OSTN: variants seen among roughly 807,000 people sequenced by gnomAD.
The protein encoded by OSTN is osteocrin.
OSTN carries 9 observed loss-of-function variants against 12.0 expected under a neutral mutation model. The ratio of observed to expected loss-of-function variants is 0.75; its 90% confidence interval spans 0.45 to 1.30. The LOEUF (loss-of-function observed/expected upper bound fraction) is 1.30. Among genes scored for constraint, OSTN ranks in the 50% most tolerant of loss-of-function variants. The pLI, the probability that OSTN is intolerant of heterozygous loss-of-function variation, is 0.00. For missense variants in OSTN, 148 were observed against 152.3 expected, an observed-to-expected ratio of 0.97 and a Z score of 0.15; for synonymous variants, 59 against 56.9, an observed-to-expected ratio of 1.04 and a Z score of -0.16.
rs144298488 is a variant in OSTN, at chr3:191,209,073, C to G, written c.1-3460C>G. 4.9e-3 allele frequency among the ~76,000 whole-genome samples: 743 copies of G among 152,232 alleles called. 3 individuals carry two copies. The highest frequency in any genetic ancestry group is 0.017 in the African/African-American group (699 of 41,536). On this transcript the variant is annotated intron_variant, in intron 1 of 4. Coordinates refer to ENST00000682035, the MANE Select transcript of OSTN (RefSeq NM_198184.2). ...ACTCAGGAGGCTGAGGCAGGAGAAT[C>G]GCTTAAACCTGGGAGGCAGAGGTTG...
intron 3 of OSTN, among the ~76,000 whole-genome samples, chr3:191,238,518 A>C (rs189656693): frequency 3.7e-3 from 564 of 152,336 alleles, no homozygotes; most frequent in Non-Finnish European, 6.7e-3. Flanking sequence ...ACATGTGAAA[A>C]GAGGGAGTAG....
chr3:191,208,684 A>G (rs1234751954), intron 1 of OSTN, among the ~76,000 whole-genome samples: 1 of 152,236 alleles, frequency 6.6e-6, no homozygotes, highest in Non-Finnish European at 1.5e-5. Flanking sequence ...ATTACAGAGA[A>G]GAGGAGAAAC....
chr3:191,212,981 C>T (rs1472098795), intron 2 of OSTN, among the ~76,000 whole-genome samples: 1 of 150,186 alleles, frequency 6.7e-6, no homozygotes, highest in Admixed American at 6.7e-5. Flanking sequence ...AGCGATTCTC[C>T]TGCCTCAGCC....
chr3:191,247,500 G>C (rs1715461438), intron 3 of OSTN, among the ~76,000 whole-genome samples: 1 of 152,082 alleles, frequency 6.6e-6, no homozygotes, highest in South Asian at 2.1e-4. Flanking sequence ...AGAAAAAAAA[G>C]ATCACACATA....
In OSTN at chr3:191,247,981, A is replaced by G. The variant is rs967140089; in HGVS notation, c.318-2056A>G. Among the ~76,000 whole-genome samples, 43 of 152,070 alleles carry G rather than the reference A, an allele frequency of 2.8e-4. 1 individual carries two copies. The highest frequency in any genetic ancestry group is 1.0e-3 in the African/African-American group (42 of 41,506). On this transcript the variant is annotated intron_variant, in intron 3 of 4. Transcript: ENST00000682035. ...CCCGAGTAGCTGGGATTACAGGAAC[A>G]CGCCACCATGCCCTGCTAATTTTTG...
chr3:191,219,462 A>G (rs1196222646), intron 3 of OSTN, among the ~76,000 whole-genome samples: 7 of 152,354 alleles, frequency 4.6e-5, no homozygotes, highest in South Asian at 2.1e-4. Flanking sequence ...CTTGTAAAGT[A>G]TCTTATCCTC....
intron 3 of OSTN, among the ~76,000 whole-genome samples, chr3:191,235,451 C>T (rs542874612): frequency 6.6e-6 from 1 of 152,156 alleles, no homozygotes; most frequent in Admixed American, 6.5e-5. Context: ...GATGGAGATG[C>T]ATGCAGAGAA....
At chr3:191,208,203 C>A (rs1327860598) in intron 1 of OSTN, among the ~76,000 whole-genome samples, 1 of 152,160 alleles carries the variant, frequency 6.6e-6, no homozygotes, top group Non-Finnish European at 1.5e-5. Flanking sequence ...AACACCCTTT[C>A]ATTGAACTTT....
At chr3:191,210,512 T>C (rs1026983331) in intron 1 of OSTN, among the ~76,000 whole-genome samples, 1 of 152,220 alleles carries the variant, frequency 6.6e-6, no homozygotes, top group Admixed American at 6.5e-5. Flanking sequence ...GGGGTATGCA[T>C]GAATCGATTC....
At chr3:191,252,879 A>C (rs968240804) in intron 4 of OSTN, among the ~76,000 whole-genome samples, 1 of 152,272 alleles carries the variant, frequency 6.6e-6, no homozygotes, top group Non-Finnish European at 1.5e-5. Flanking sequence ...AGAGCAGCTT[A>C]AAAGTCATTA....
chr3:191,205,443 A>AT (rs1553816618), intron 1 of OSTN, among the ~76,000 whole-genome samples: 51 of 149,090 alleles, frequency 3.4e-4, no homozygotes, highest in East Asian at 2.1e-4. Flanking sequence ...AGTAAAAAAA[A>AT]ATATATATAT....
chr3:191,214,948 G>A (rs956533088), intron 2 of OSTN, among the ~76,000 whole-genome samples: 3 of 152,170 alleles, frequency 2.0e-5, no homozygotes, highest in Admixed American at 2.0e-4. Context: ...GGAGGCAGAG[G>A]TTGCAGTGAG....
chr3:191,212,384 T>C (rs1171242392), intron 1 of OSTN, 149 bp from the exon 2 acceptor site: 1 of 345,202 alleles, frequency 2.9e-6, no homozygotes, highest in African/African-American at 2.1e-5. Flanking sequence ...TATTAAGTAT[T>C]ATTTACGTTT....
chr3:191,226,704 A>G, intron 3 of OSTN, among the ~76,000 whole-genome samples: 1 of 152,222 alleles, frequency 6.6e-6, no homozygotes, highest in East Asian at 1.9e-4. Flanking sequence ...TCAGAAGAGA[A>G]ATTCAATAAA....
chr3:191,230,378 A>G (rs1715021415), intron 3 of OSTN, among the ~76,000 whole-genome samples: 1 of 149,456 alleles, frequency 6.7e-6, no homozygotes, highest in South Asian at 2.1e-4. Flanking sequence ...ATTCTGGTCA[A>G]CATGATGCAA....
At chr3:191,260,580 A>G (rs1715784119) in intron 4 of OSTN, among the ~76,000 whole-genome samples, 1 of 152,132 alleles carries the variant, frequency 6.6e-6, no homozygotes, top group East Asian at 1.9e-4. Context: ...TGAGAAAACA[A>G]AAGCTCCTTA....
rs150473662 is a variant in OSTN at position 191,209,529 on chromosome 3, C to T, written c.1-3004C>T. ...ATATGGAGAAGCTTCTAGTAACTAG[C>T]ATTATGAGACAAGATTCTGAAATAG... On this transcript the variant is annotated intron_variant, in intron 1 of 4. Transcript: ENST00000682035. Among the ~76,000 whole-genome samples, 23 of 152,270 alleles carry T rather than the reference C, an allele frequency of 1.5e-4. No individual in the cohort carries two copies. In the East Asian group the frequency reaches 4.3e-3, roughly 28 times the overall value.
At position 191,263,034 on chromosome 3, in the gene OSTN, G is replaced by T; in HGVS notation, c.*181G>T. 7.3e-6 allele frequency: 4 copies of T among 546,312 alleles called. No individual in the cohort carries two copies. The highest frequency in any genetic ancestry group is 2.6e-5 in the South Asian group (1 of 39,070). The allele number at this position is 546,312 out of a possible 1,614,324, so 33.8% of individuals were successfully genotyped here. A position where few individuals can be genotyped will look rare whatever the true frequency, so the allele number is the denominator to read the frequency against. ...GCATTGTTACAGCTTCAATTAAATT[G>T]TGTAAATCATTTTGATGCACGTACA... On this transcript the variant is annotated 3_prime_UTR_variant, in exon 5 of 5. Coordinates refer to ENST00000682035, the MANE Select transcript of OSTN (RefSeq NM_198184.2).
chr3:191,227,097 G>A (rs1010444325), intron 3 of OSTN, among the ~76,000 whole-genome samples: 4 of 151,854 alleles, frequency 2.6e-5, no homozygotes, highest in African/African-American at 9.7e-5. Context: ...AAATGTTTAT[G>A]ACTTATATCA....
Sources: allele counts gnomAD v4.1 joint callset (sites outside exome capture counted in the v4.1 genomes callset), GRCh38; gene constraint gnomAD v4.1.1; transcripts MANE v1.5; gene names NCBI Gene and HGNC (gene_info 2026-07-23, HGNC 2026-07-21).